Variants in ATP11A observed in about 807,000 individuals in gnomAD.
ATP11A encodes the protein phospholipid-transporting ATPase IH.
ATP11A carries 81 observed loss-of-function variants against 154.4 expected under a neutral mutation model. The observed-to-expected ratio is 0.52, with a 90% CI of 0.44 to 0.63. The LOEUF (loss-of-function observed/expected upper bound fraction) is 0.63. Among genes scored for constraint, ATP11A ranks in the 30% least tolerant of loss-of-function variants. The pLI is 0.00. For missense variants in ATP11A, 1,316 were observed against 1,474.3 expected (o/e 0.89, Z 1.76); for synonymous variants, 623 against 585.9 (o/e 1.06, Z -0.91).
rs1478842566 is a variant in ATP11A at position 112,807,496 on chromosome 13, CAT to C, written c.333+1204_333+1205del. ...GAACTGTGCTGCCTGGAGAACAGAACATGAGGGAGACTCACGCTTCCCAAGGA... is the reference window on the plus strand; with the variant it reads ...GAACTGTGCTGCCTGGAGAACAGAACGAGGGAGACTCACGCTTCCCAAGGA... On this transcript the variant is annotated intron_variant, in intron 4 of 29. Coordinates refer to ENST00000375645, the MANE Select transcript of ATP11A (RefSeq NM_015205.3). This position sits in a 1 kb window ranked among gnomAD's most constrained non-coding sequence, Gnocchi z 4.5. Among the ~76,000 whole-genome samples the C allele has an allele frequency of 5.3e-5, 8 of 152,204 alleles. No individual in the cohort carries two copies. Among genetic ancestry groups the C allele is most frequent in the Non-Finnish European group, 1.2e-4 (8 of 68,034 alleles).
At chr13:112,765,592 G>A (rs1172908561) in intron 1 of ATP11A, among the ~76,000 whole-genome samples, 2 of 152,236 alleles carry the variant, frequency 1.3e-5, no homozygotes, top group South Asian at 2.1e-4. Context: ...GCGCTCAGTC[G>A]ATGTTCATGG....
Position 112,765,344 on chromosome 13 carries a change from G to A in ATP11A, c.40-19791G>A, listed in dbSNP as rs558046337. On this transcript the variant is annotated intron_variant, in intron 1 of 29. Coordinates refer to ENST00000375645, the MANE Select transcript of ATP11A (RefSeq NM_015205.3). ...TGAGGACGCCTGGAACCCCAGGCCC[G>A]CCCTGCCTTGTTTTCTGGTCCTGGC... is the stretch of plus-strand genomic sequence containing the variant. Among the ~76,000 whole-genome samples the A allele has an allele frequency of 1.6e-3, 247 of 152,268 alleles. 1 individual carries two copies. Among genetic ancestry groups the A allele is most frequent in the African/African-American group, 5.4e-3 (225 of 41,572 alleles).
intron 1 of ATP11A, among the ~76,000 whole-genome samples, chr13:112,751,730 TCCC>T (rs35952236): frequency 7.0e-6 from 1 of 143,512 alleles, no homozygotes; most frequent in Non-Finnish European, 1.5e-5. Flanking sequence ...CTGCAGATAA[TCCC>T]CCCCCCCTTT....
At chr13:112,771,429 C>A (rs777152101) in intron 1 of ATP11A, among the ~76,000 whole-genome samples, 1 of 152,170 alleles carries the variant, frequency 6.6e-6, no homozygotes, top group Non-Finnish European at 1.5e-5. Context: ...GGAGTTGCCC[C>A]CTTGGTTAAA....
intron 1 of ATP11A, among the ~76,000 whole-genome samples, chr13:112,762,662 C>T (rs544788646): frequency 6.6e-6 from 1 of 152,320 alleles, no homozygotes; most frequent in East Asian, 1.9e-4. Flanking sequence ...CTCCCATGTC[C>T]CTGTGGTAAA....
At position 112,785,261 on chromosome 13, in the gene ATP11A, A is replaced by G; in HGVS notation, c.162+4A>G. 2 of 1,508,212 alleles carry G rather than the reference A, an allele frequency of 1.3e-6. No homozygotes were observed. The highest frequency in any genetic ancestry group is 1.8e-6 in the Non-Finnish European group (2 of 1,128,104). The allele number at this position is 1,508,212 out of a possible 1,614,324, so 93.4% of individuals were successfully genotyped here. ...CAACAGGATCGTCTCGTCCAAGGTA[A>G]CTTGGCTTGGGTCTGAGTGTCCATA... is the stretch of plus-strand genomic sequence containing the variant. On this transcript the variant is annotated splice_donor_region_variant and intron_variant, in intron 2 of 29. Coordinates refer to ENST00000375645, the MANE Select transcript of ATP11A (RefSeq NM_015205.3). This position sits in a 1 kb window ranked among gnomAD's most constrained non-coding sequence, Gnocchi z 4.8.
In ATP11A at chr13:112,746,930, C is replaced by A. The variant is rs1310712349; in HGVS notation, c.40-38205C>A. The A allele has an allele frequency of 5.3e-5, 8 of 151,484 alleles. No individual in the cohort carries two copies. The highest frequency in any genetic ancestry group is 1.0e-4 in the Non-Finnish European group (7 of 67,940). 9.4% of individuals were successfully genotyped at this position (151,484 alleles called of 1,614,324 possible). ...CTTGCTACAAATGTCTATTGAGGTT[C>A]TTTGCCTATTTTAAAATCGGGTAAT... On this transcript the variant is annotated intron_variant, in intron 1 of 29. Coordinates refer to ENST00000375645, the MANE Select transcript of ATP11A (RefSeq NM_015205.3). This position sits in a 1 kb window ranked among gnomAD's most constrained non-coding sequence, Gnocchi z 4.1.
chr13:112,769,506 A>C (rs2077176534), intron 1 of ATP11A, among the ~76,000 whole-genome samples: 1 of 152,192 alleles, frequency 6.6e-6, no homozygotes, highest in Non-Finnish European at 1.5e-5. Context: ...TCTTCTGCAC[A>C]CTGGAGCAGG....
At chr13:112,727,321 A>G (rs1196029337) in intron 1 of ATP11A, among the ~76,000 whole-genome samples, 1 of 152,256 alleles carries the variant, frequency 6.6e-6, no homozygotes, top group Non-Finnish European at 1.5e-5. Context: ...TGCTGGGATT[A>G]GAGGCGTGAG....
intron 1 of ATP11A, among the ~76,000 whole-genome samples, chr13:112,741,883 C>G (rs911225760): frequency 6.6e-6 from 1 of 152,118 alleles, no homozygotes; most frequent in East Asian, 1.9e-4. Flanking sequence ...TTCTCTTCCC[C>G]CAAAGATTGC....
chr13:112,763,056 G>A (rs556852168), intron 1 of ATP11A, among the ~76,000 whole-genome samples: 5 of 152,336 alleles, frequency 3.3e-5, no homozygotes, highest in Admixed American at 6.5e-5. Context: ...GCAGCCCTGC[G>A]CGGTGGCTGA....
intron 6 of ATP11A, 109 bp from the exon 7 acceptor site, chr13:112,819,195 C>G (rs754951900): frequency 1.1e-6 from 1 of 877,442 alleles, no homozygotes; most frequent in Non-Finnish European, 1.9e-6. Context: ...TAAACATTTA[C>G]AAACTCATAG....
chr13:112,848,810 C>A (rs1313351121), intron 17 of ATP11A, among the ~76,000 whole-genome samples: 1 of 152,218 alleles, frequency 6.6e-6, no homozygotes, highest in Admixed American at 6.5e-5. Flanking sequence ...GCCTCAGCCT[C>A]CCGAGTAACT....
Position 112,743,811 on chromosome 13 carries a change from G to A in ATP11A, c.40-41324G>A, listed in dbSNP as rs142141496. On this transcript the variant is annotated intron_variant, in intron 1 of 29. Transcript: ENST00000375645. ...GGTTGTTTATTTCCTGTGGTCTCAG[G>A]GTGTCCTTCCCTGGAGTTTAGTATA... Among the ~76,000 whole-genome samples, 670 of 152,334 alleles carry A rather than the reference G, an allele frequency of 4.4e-3. 2 individuals are homozygous for A. The highest frequency in any genetic ancestry group is 7.8e-3 in the Non-Finnish European group (532 of 68,022).
At chr13:112,873,521 A>T in intron 26 of ATP11A, 52 bp from the exon 27 acceptor site, 1 of 1,401,336 alleles carries the variant, frequency 7.1e-7, no homozygotes, top group Non-Finnish European at 9.7e-7. Context: ...CATCACGATC[A>T]TTCTCACTGC....
At chr13:112,864,867 C>A (rs1440814591) in intron 25 of ATP11A, among the ~76,000 whole-genome samples, 1 of 69,234 alleles carries the variant, frequency 1.4e-5, no homozygotes, top group Non-Finnish European at 2.8e-5. Context: ...TCACCACCTG[C>A]GCAGTAATTC....
rs566617451 is a variant in ATP11A at position 112,841,297 on chromosome 13, G to A, written c.1706-979G>A. ...ACCTGCGCCCAGGCACAAACCAGCC[G>A]CCTGGCAGAGTGCCACGTGGCTTCG... On this transcript the variant is annotated intron_variant, in intron 16 of 29. Transcript: ENST00000375645. Among the ~76,000 whole-genome samples the A allele has an allele frequency of 9.2e-4, 126 of 136,322 alleles. 1 individual carries two copies. Among genetic ancestry groups the A allele is most frequent in the Admixed American group, 1.8e-3 (24 of 13,666 alleles). The allele number at this position is 136,322 out of a possible 152,430, so 89.4% of individuals were successfully genotyped here.
chr13:112,778,830 AGCC>A, intron 1 of ATP11A, among the ~76,000 whole-genome samples: 1 of 86,120 alleles, frequency 1.2e-5, no homozygotes, highest in African/African-American at 4.8e-5. Flanking sequence ...AGTGAGGAGT[AGCC>A]GCTGGAGTGA....
chr13:112,831,893 C>G (rs765283671), intron 13 of ATP11A, among the ~76,000 whole-genome samples: 3 of 152,062 alleles, frequency 2.0e-5, no homozygotes, highest in Admixed American at 1.3e-4. Flanking sequence ...CATGCAGACA[C>G]ACGCACTCAC....
Sources: allele counts gnomAD v4.1 joint callset (sites outside exome capture counted in the v4.1 genomes callset), GRCh38; gene constraint gnomAD v4.1.1; non-coding constraint Gnocchi (gnomAD v3.1); transcripts MANE v1.5; gene names NCBI Gene and HGNC (gene_info 2026-07-23, HGNC 2026-07-21).